Variants in ANO3 observed in about 807,000 individuals in gnomAD.
The protein encoded by ANO3 is anoctamin-3.
A neutral mutation model predicts 144.8 loss-of-function variants in ANO3; 99 were observed. The ratio of observed to expected loss-of-function variants is 0.68; its 90% CI spans 0.58 to 0.81. The LOEUF is 0.81. ANO3 is among the 30% of genes least tolerant of loss of function. ANO3 has a pLI of 0.00. For synonymous variants in ANO3, 414 were observed against 392.6 expected (o/e 1.05, Z -0.64); for missense variants, 905 against 1,202.2 (o/e 0.75, Z 3.66).
chr11:26,202,372 T>C lies in ANO3; in HGVS notation c.154+13042T>C, dbSNP rs563266445. On this transcript the variant is annotated intron_variant, in intron 1 of 27. Coordinates refer to the ANO3 transcript ENST00000672621. ...ATTATATATATTATATATGTGTATT[T>C]TATATATATATCTTAAGAATCCTAC... is the stretch of plus-strand genomic sequence containing the variant. 2.9e-3 allele frequency among the ~76,000 whole-genome samples: 422 copies of C among 147,092 alleles called. 26 individuals are homozygous for C. The South Asian group carries it at 0.087, about 30-fold the overall frequency.
intron 26 of ANO3, among the ~76,000 whole-genome samples, chr11:26,659,203 A>G (rs1853800504): frequency 6.6e-6 from 1 of 151,832 alleles, no homozygotes; most frequent in Non-Finnish European, 1.5e-5. Context: ...CCAACCTTTA[A>G]GAAGTACTAC....
At position 26,559,568 on chromosome 11, in the gene ANO3, C is replaced by T. The variant is rs1461774930; in HGVS notation, c.1387-151C>T. 5.0e-6 allele frequency: 3 copies of T among 602,336 alleles called. No homozygotes were observed. In the African/African-American group the frequency reaches 5.6e-5, roughly 11 times the overall value. The allele number at this position is 602,336 out of a possible 1,614,324, so 37.3% of individuals were successfully genotyped here. A position where few individuals can be genotyped will look rare whatever the true frequency, so the allele number is the denominator to read the frequency against. On this transcript the variant is annotated intron_variant, in intron 13 of 26. Coordinates refer to ENST00000256737, the MANE Select transcript of ANO3 (RefSeq NM_031418.4). ...AAAATCATGTGAAATTGTTGCAAGA[C>T]CCATGAAAGGAATTCATATATAATA...
intron 1 of ANO3, among the ~76,000 whole-genome samples, chr11:26,299,922 A>T (rs568321776): frequency 5.4e-4 from 82 of 152,246 alleles, no homozygotes; most frequent in Non-Finnish European, 1.1e-3. Context: ...GTGAAATAGG[A>T]AGCAAAATTA....
chr11:26,442,758 G>A (rs1455634272), intron 2 of ANO3, among the ~76,000 whole-genome samples: 2 of 152,100 alleles, frequency 1.3e-5, no homozygotes, highest in African/African-American at 2.4e-5. Flanking sequence ...GCAGTGGATA[G>A]GGTATGTTTT....
chr11:26,658,633 T>A (rs1243569906), intron 26 of ANO3, among the ~76,000 whole-genome samples: 1 of 152,124 alleles, frequency 6.6e-6, no homozygotes, highest in East Asian at 1.9e-4. Context: ...TACTGAATTA[T>A]TTTTTGCTCA....
At chr11:26,191,342 AC>A (rs1352688643) in intron 1 of ANO3, among the ~76,000 whole-genome samples, 1 of 148,454 alleles carries the variant, frequency 6.7e-6, no homozygotes. Flanking sequence ...ACATACACAC[AC>A]ACACACACAC....
rs555015196 is a variant in ANO3 at position 26,295,366 on chromosome 11, T to TA, written c.155-14270dup. 9.0e-3 allele frequency among the ~76,000 whole-genome samples: 1,351 copies of TA among 149,960 alleles called. 9 individuals are homozygous for TA. Among genetic ancestry groups the TA allele is most frequent in the Non-Finnish European group, 0.014 (953 of 67,432 alleles). On this transcript the variant is annotated intron_variant, in intron 1 of 27. Transcript: ENST00000672621. ...ACCCCGTCTCTACTAAAAATAAAAA[T>TA]AAAAAAAAATTAGCCGGGCTTAGTG...
intron 1 of ANO3, among the ~76,000 whole-genome samples, chr11:26,251,324 C>T (rs1228545889): frequency 2.0e-5 from 3 of 152,140 alleles, no homozygotes. Context: ...AAAGCTGAGG[C>T]ACAGCTATCT....
chr11:26,637,865 T>G (rs760457648), intron 20 of ANO3, among the ~76,000 whole-genome samples: 35 of 152,306 alleles, frequency 2.3e-4, no homozygotes, highest in Non-Finnish European at 4.3e-4. Flanking sequence ...ACTGTCTTCC[T>G]TATGAGCAGG....
At chr11:26,338,509 C>T (rs1051868180) in intron 1 of ANO3, among the ~76,000 whole-genome samples, 6 of 152,182 alleles carry the variant, frequency 3.9e-5, no homozygotes, top group African/African-American at 1.4e-4. Context: ...GGAACAAAAG[C>T]TGGCCACCCC....
chr11:26,551,048 GC>G (rs1207185507), intron 12 of ANO3, among the ~76,000 whole-genome samples: 1 of 151,690 alleles, frequency 6.6e-6, no homozygotes, highest in East Asian at 1.9e-4. Context: ...TATCCATAAT[GC>G]CCTACTGGTT....
chr11:26,252,020 A>G (rs1159534380), intron 1 of ANO3, among the ~76,000 whole-genome samples: 1 of 152,162 alleles, frequency 6.6e-6, no homozygotes, highest in African/African-American at 2.4e-5. Flanking sequence ...GTGTTCTTTA[A>G]TGTTTTTTTT....
At chr11:26,563,000 T>G in intron 14 of ANO3, 1 of 1,397,012 alleles carries the variant, frequency 7.2e-7, no homozygotes. Context: ...AAGTCTTTAG[T>G]TTGTTCATTC....
intron 17 of ANO3, among the ~76,000 whole-genome samples, chr11:26,608,741 CTG>C (rs1392870198): frequency 1.3e-5 from 2 of 152,098 alleles, no homozygotes; most frequent in East Asian, 1.9e-4. Flanking sequence ...CCACAGCAGA[CTG>C]TGTGTTGGGC....
intron 14 of ANO3, among the ~76,000 whole-genome samples, chr11:26,587,606 G>A (rs1315964647): frequency 6.6e-6 from 1 of 152,142 alleles, no homozygotes; most frequent in African/African-American, 2.4e-5. Context: ...CCATCTTCCT[G>A]CTTTCTTTTC....
intron 20 of ANO3, 59 bp from the exon 21 acceptor site, chr11:26,639,085 A>G: frequency 8.9e-7 from 1 of 1,128,626 alleles, no homozygotes; most frequent in Non-Finnish European, 1.3e-6. Context: ...AATGGTGGGC[A>G]TGTCTGAGCC....
chr11:26,551,352 A>G (rs1243909433), intron 12 of ANO3, among the ~76,000 whole-genome samples: 1 of 140,008 alleles, frequency 7.1e-6, no homozygotes, highest in African/African-American at 2.6e-5. Flanking sequence ...TGCAAAAGAA[A>G]TTAAGAAACA....
chr11:26,489,419 A>G (rs1446493508), intron 4 of ANO3, among the ~76,000 whole-genome samples: 1 of 152,194 alleles, frequency 6.6e-6, no homozygotes, highest in Non-Finnish European at 1.5e-5. Context: ...AACCTCTGCT[A>G]GGGCAGTGCA....
At chr11:26,473,642 A>G (rs1349696594) in intron 4 of ANO3, among the ~76,000 whole-genome samples, 1 of 151,892 alleles carries the variant, frequency 6.6e-6, no homozygotes, top group East Asian at 1.9e-4. Context: ...CACTATTATC[A>G]AACTGAAACA....
Sources: allele counts gnomAD v4.1 joint callset (sites outside exome capture counted in the v4.1 genomes callset), GRCh38; gene constraint gnomAD v4.1.1; transcripts MANE v1.5; gene names NCBI Gene and HGNC (gene_info 2026-07-23, HGNC 2026-07-21).